The following TMPRSS6 variants were observed in gnomAD, a reference collection of about 807,000 sequenced individuals.
The protein encoded by TMPRSS6 is transmembrane protease serine 6.
TMPRSS6 carries 67 observed loss-of-function variants against 101.5 expected under a neutral mutation model. That is an observed-to-expected ratio of 0.66 (90% CI 0.54 to 0.81). TMPRSS6 has a LOEUF of 0.81. TMPRSS6 is among the 30% of genes least tolerant of loss of function. The probability of loss-of-function intolerance (pLI) is 0.00; values close to 1 mark genes in which losing one functional copy is unlikely to be tolerated. For missense variants in TMPRSS6, 1,034 were observed against 1,088.7 expected, an observed-to-expected ratio of 0.95 and a Z score of 0.71; for synonymous variants, 453 against 464.9, an observed-to-expected ratio of 0.97 and a Z score of 0.33.
chr22:37,089,130 G>A (rs1003774216), intron 7 of TMPRSS6, among the ~76,000 whole-genome samples: 10 of 152,134 alleles, frequency 6.6e-5, no homozygotes, highest in African/African-American at 1.7e-4. Context: ...ACGAGGGCCC[G>A]GCAGTGAAGA....
chr22:37,068,988 A>C, intron 16 of TMPRSS6, 85 bp downstream of exon 16: 1 of 1,505,056 alleles, frequency 6.6e-7, no homozygotes, highest in Non-Finnish European at 8.8e-7. Context: ...CGGGACCCCC[A>C]GCCCCGCCCT....
rs1429658424 is a variant in TMPRSS6, at chr22:37,069,240, G to A, written c.1946C>T (p.Pro649Leu). 3 of 1,611,100 alleles carry A rather than the reference G, an allele frequency of 1.9e-6. No individual in the cohort carries two copies. Among genetic ancestry groups the A allele is most frequent in the Admixed American group, 1.7e-5 (1 of 59,894 alleles). ...GTCATGGCTGTCCTCTTCGTGGTAC[G>A]GGTGCAGGAGCAGGCGGCTCACCTT... ...SFKVSRLLLH[P>L]YHEEDSHDYD... Residue 649 changes from proline to leucine, a missense_variant, in exon 16 of 18, where the codon CCG becomes CTG. Transcript: ENST00000676104. This position sits in a 1 kb window ranked among gnomAD's most constrained non-coding sequence, Gnocchi z 4.8.
chr22:37,108,130 T>C (rs1930828451), intron 1 of TMPRSS6, among the ~76,000 whole-genome samples: 1 of 152,126 alleles, frequency 6.6e-6, no homozygotes, highest in Admixed American at 6.5e-5. Context: ...GGTGAGAAAT[T>C]TTAACAATGG....
chr22:37,107,869 C>G (rs988302959), intron 1 of TMPRSS6, among the ~76,000 whole-genome samples: 4 of 152,170 alleles, frequency 2.6e-5, no homozygotes, highest in Non-Finnish European at 5.9e-5. Flanking sequence ...ATTACAGAGG[C>G]CTAAATTGCC....
At chr22:37,094,665 T>G (rs999963339) in intron 6 of TMPRSS6, among the ~76,000 whole-genome samples, 1 of 152,244 alleles carries the variant, frequency 6.6e-6, no homozygotes, top group African/African-American at 2.4e-5. Context: ...TATCTTTGTA[T>G]GAGAATCATG....
At chr22:37,092,802 C>T (rs1031693863) in intron 6 of TMPRSS6, among the ~76,000 whole-genome samples, 2 of 152,206 alleles carry the variant, frequency 1.3e-5, no homozygotes, top group Non-Finnish European at 2.9e-5. Context: ...GGCCCATGCC[C>T]AAATCTGATG....
At chr22:37,104,976 TA>T (rs1164048426) in intron 1 of TMPRSS6, among the ~76,000 whole-genome samples, 1 of 144,886 alleles carries the variant, frequency 6.9e-6, no homozygotes, top group African/African-American at 2.6e-5. Context: ...AAAAAAAACA[TA>T]AAAAAATAAA....
chr22:37,082,676 A>G lies in TMPRSS6; in HGVS notation c.1196+1619T>C, dbSNP rs867120375. 13 of 320,334 alleles carry G rather than the reference A, an allele frequency of 4.1e-5. No individual in the cohort carries two copies. In the East Asian group the frequency reaches 7.2e-4, roughly 18 times the overall value. 19.8% of individuals were successfully genotyped at this position (320,334 alleles called of 1,614,324 possible). On this transcript the variant is annotated intron_variant, in intron 10 of 17. Transcript: ENST00000676104. Reference sequence around the variant, plus strand: ...CTCCAGACAGCACAGGCCTGACATCACTGAACCAGCATGTCACCCCAGCAG... The same window carrying G: ...CTCCAGACAGCACAGGCCTGACATCGCTGAACCAGCATGTCACCCCAGCAG...
intron 1 of TMPRSS6, among the ~76,000 whole-genome samples, chr22:37,104,481 C>T (rs778242167): frequency 7.2e-5 from 11 of 152,260 alleles, no homozygotes; most frequent in South Asian, 6.2e-4. Context: ...CCCCTCTCCA[C>T]GCTCCAGGGT....
At position 37,103,449 on chromosome 22, in the gene TMPRSS6, A is replaced by C; in HGVS notation, c.-1-31T>G. 1 of 1,614,242 alleles carries C rather than the reference A, an allele frequency of 6.2e-7. No individual in the cohort carries two copies. The highest frequency in any genetic ancestry group is 1.1e-5 in the South Asian group (1 of 91,090). ...AGGGAAACAGACCAAAGTTGGAAAC[A>C]GCCTCGCATTTGCAAGGGAGCCTCT... On this transcript the variant is annotated intron_variant, in intron 1 of 17. Transcript: ENST00000676104. The surrounding 1 kb of genome is among the most constrained non-coding windows in gnomAD (Gnocchi z 4.4).
chr22:37,089,882 G>T (rs1048771479), intron 6 of TMPRSS6, 100 bp from the exon 7 acceptor site: 10 of 1,252,398 alleles, frequency 8.0e-6, no homozygotes, highest in African/African-American at 1.5e-5. Flanking sequence ...GGCAGGATGG[G>T]CTGGGCAGGG....
In TMPRSS6 at chr22:37,073,776, T is replaced by A. The variant is rs1444450743; in HGVS notation, c.1442-131A>T. The A allele has an allele frequency of 1.2e-5, 9 of 728,086 alleles. 1 individual carries two copies. Among genetic ancestry groups the A allele is most frequent in the Admixed American group, 5.8e-5 (3 of 51,762 alleles). The allele number at this position is 728,086 out of a possible 1,614,324, so 45.1% of individuals were successfully genotyped here. ...AAATCTCTTTCTCTGCTACTTTATT[T>A]TTATGTCTCGCTCTTGTCACGAAGG... On this transcript the variant is annotated intron_variant, in intron 12 of 17. Transcript: ENST00000676104.
rs144836954 is a variant in TMPRSS6 at position 37,089,436 on chromosome 22, A to G, written c.836+142T>C. 4.3e-3 allele frequency: 3,527 copies of G among 813,072 alleles called. 97 individuals carry two copies. In the African/African-American group the frequency reaches 0.051, roughly 12 times the overall value. The allele number at this position is 813,072 out of a possible 1,614,324, so 50.4% of individuals were successfully genotyped here. A position where few individuals can be genotyped will look rare whatever the true frequency, so the allele number is the denominator to read the frequency against. On this transcript the variant is annotated intron_variant, in intron 7 of 17. Coordinates refer to ENST00000676104, the MANE Select transcript of TMPRSS6 (RefSeq NM_001374504.1). ...CAGCCTCCTCTCCCCTATCCCCTCTAAGCTAGCCGTCCTGTCTCCCAGATA... is the reference window on the plus strand; with the variant it reads ...CAGCCTCCTCTCCCCTATCCCCTCTGAGCTAGCCGTCCTGTCTCCCAGATA...
Position 37,096,719 on chromosome 22 carries a change from T to C in TMPRSS6, c.337-4A>G, listed in dbSNP as rs376244053. 1.3e-6 allele frequency: 2 copies of C among 1,561,554 alleles called. No individual in the cohort carries two copies. On this transcript the variant is annotated splice_polypyrimidine_tract_variant and splice_region_variant and intron_variant, in intron 3 of 17. Transcript: ENST00000676104. ...TGCTGGTGATGAGCTCCTTGAGCTG[T>C]GAGAAGGGAAGACAACAGCCCCTGG...
At chr22:37,092,653 T>C (rs1378116081) in intron 6 of TMPRSS6, among the ~76,000 whole-genome samples, 1 of 152,226 alleles carries the variant, frequency 6.6e-6, no homozygotes, top group African/African-American at 2.4e-5. Flanking sequence ...TGGGCCACCA[T>C]GACCAGCTAA....
rs760231250 is a variant in TMPRSS6, at chr22:37,103,398, G to A, written c.20C>T (p.Pro7Leu). The change falls in exon 2 of 18, where the codon CCC becomes CTC. Residue 7 changes from proline (P) to leucine (L), a missense_variant. By Grantham distance (98) the Pro-to-Leu change is moderately conservative. Coordinates refer to ENST00000676104, the MANE Select transcript of TMPRSS6 (RefSeq NM_001374504.1). This position sits in a 1 kb window ranked among gnomAD's most constrained non-coding sequence, Gnocchi z 4.4. MPVAEA[P>L]QVAGGQGDGG... ...GTCCCCCTGCCCGCCAGCCACCTGG[G>A]GGGCCTCGGCCACGGGCATCCTGCC... The A allele has an allele frequency of 3.1e-6, 5 of 1,614,068 alleles. No individual in the cohort carries two copies. In the African/African-American group the frequency reaches 5.3e-5, roughly 17 times the overall value.
intron 16 of TMPRSS6, chr22:37,068,817 AG>A: frequency 1.4e-6 from 1 of 730,420 alleles, no homozygotes; most frequent in Non-Finnish European, 2.4e-6. Flanking sequence ...GTGGCGTCCC[AG>A]ACCTGCCCCT....
chr22:37,069,054 G>C lies in TMPRSS6; in HGVS notation c.2113+19C>G. The C allele has an allele frequency of 6.5e-7, 1 of 1,536,284 alleles. No individual in the cohort carries two copies. On this transcript the variant is annotated intron_variant, in intron 16 of 17. Transcript: ENST00000676104. The surrounding 1 kb of genome is among the most constrained non-coding windows in gnomAD (Gnocchi z 4.8). The stretch of plus-strand genomic sequence containing the variant: ...GCACGGTCTCCCTCCGCCTCCCGCC[G>C]CAAGTCCCCGCTGCTCACCGCCCTC...
intron 10 of TMPRSS6, among the ~76,000 whole-genome samples, chr22:37,078,861 AG>A: frequency 2.1e-5 from 1 of 46,896 alleles, no homozygotes; most frequent in Non-Finnish European, 4.2e-5. Context: ...AAGGAGAAGA[AG>A]GAGAAGAGGA....
Sources: allele counts gnomAD v4.1 joint callset (sites outside exome capture counted in the v4.1 genomes callset), GRCh38; gene constraint gnomAD v4.1.1; non-coding constraint Gnocchi (gnomAD v3.1); transcripts MANE v1.5; gene names NCBI Gene and HGNC (gene_info 2026-07-23, HGNC 2026-07-21).